ZNRF1: variants seen among roughly 807,000 people sequenced by gnomAD.
ZNRF1 encodes E3 ubiquitin-protein ligase ZNRF1.
ZNRF1 carries 3 observed loss-of-function variants against 18.4 expected under a neutral mutation model. The observed-to-expected ratio is 0.16, with a 90% CI of 0.07 to 0.42. The LOEUF (loss-of-function observed/expected upper bound fraction) is 0.42, where lower values mean the gene tolerates loss of function less well. Among genes scored for constraint, ZNRF1 ranks in the 10% least tolerant of loss-of-function variants. The pLI, the probability that ZNRF1 is intolerant of heterozygous loss-of-function variation, is 0.99. For synonymous variants in ZNRF1, 157 were observed against 144.2 expected, an observed-to-expected ratio of 1.09 and a Z score of -0.64; for missense variants, 310 against 329.8, an observed-to-expected ratio of 0.94 and a Z score of 0.47.
chr16:75,023,219 T>C (rs2035177045), intron 1 of ZNRF1, among the ~76,000 whole-genome samples: 1 of 152,178 alleles, frequency 6.6e-6, no homozygotes, highest in Non-Finnish European at 1.5e-5. Flanking sequence ...ATCTTTTCTC[T>C]CCACCCCCTT....
At chr16:75,078,108 A>G (rs1211700904) in intron 1 of ZNRF1, among the ~76,000 whole-genome samples, 1 of 152,124 alleles carries the variant, frequency 6.6e-6, no homozygotes, top group African/African-American at 2.4e-5. Flanking sequence ...CTAGGGTGGT[A>G]ACATGATTTC....
chr16:75,014,021 G>A (rs968643395), intron 1 of ZNRF1, among the ~76,000 whole-genome samples: 41 of 151,894 alleles, frequency 2.7e-4, no homozygotes, highest in African/African-American at 8.5e-4. Context: ...AGTAGAGGCC[G>A]TGTTTCACCG....
chr16:75,057,233 T>C (rs545273827), intron 1 of ZNRF1, among the ~76,000 whole-genome samples: 2 of 152,322 alleles, frequency 1.3e-5, no homozygotes, highest in South Asian at 4.1e-4. Flanking sequence ...ACGTGCTTGT[T>C]TGTTGCTTAT....
At chr16:75,040,121 C>T (rs1299875402) in intron 1 of ZNRF1, among the ~76,000 whole-genome samples, 5 of 144,424 alleles carry the variant, frequency 3.5e-5, no homozygotes, top group African/African-American at 7.8e-5. Context: ...CATAGCTCAC[C>T]GCAGCCTTGA....
At chr16:75,007,167 C>A (rs1399374289) in intron 1 of ZNRF1, among the ~76,000 whole-genome samples, 1 of 151,968 alleles carries the variant, frequency 6.6e-6, no homozygotes, top group Non-Finnish European at 1.5e-5. Flanking sequence ...AAGCGATCCT[C>A]CTTCCTCAGC....
rs2036373418 is a variant in ZNRF1, at chr16:75,110,808, C to T, written c.*3108C>T. 6.6e-6 allele frequency: 1 copy of T among 151,972 alleles called. No homozygotes were observed. The highest frequency in any genetic ancestry group is 2.4e-5 in the African/African-American group (1 of 41,256). 9.4% of individuals were successfully genotyped at this position (151,972 alleles called of 1,614,324 possible). On this transcript the variant is annotated 3_prime_UTR_variant, in exon 5 of 5. Coordinates refer to ENST00000335325, the MANE Select transcript of ZNRF1 (RefSeq NM_032268.5). ...AGCGCAGCTGCTGCAGGATTCTCGC[C>T]TGGAAGAGTGGGTGGCTGGCTGGCT...
At chr16:75,092,778 G>T (rs1041832196) in intron 1 of ZNRF1, among the ~76,000 whole-genome samples, 1 of 152,216 alleles carries the variant, frequency 6.6e-6, no homozygotes, top group Non-Finnish European at 1.5e-5. Flanking sequence ...CTGTGGGTGA[G>T]GGAGAGAGTT....
At position 75,017,755 on chromosome 16, in the gene ZNRF1, G is replaced by C. The variant is rs367685741; in HGVS notation, c.424+17660G>C. 5.3e-5 allele frequency among the ~76,000 whole-genome samples: 8 copies of C among 152,300 alleles called. No individual in the cohort carries two copies. The East Asian group carries it at 1.5e-3, about 29-fold the overall frequency. ...GCTTGGATCCAATCTGTTGAAAGAAGGGCTTCTTAGACAGTTGTAGGGTAG... is the reference window on the plus strand; with the variant it reads ...GCTTGGATCCAATCTGTTGAAAGAACGGCTTCTTAGACAGTTGTAGGGTAG... On this transcript the variant is annotated intron_variant, in intron 1 of 4. Coordinates refer to ENST00000335325, the MANE Select transcript of ZNRF1 (RefSeq NM_032268.5).
chr16:75,067,002 T>C (rs571854261), intron 1 of ZNRF1, among the ~76,000 whole-genome samples: 1 of 152,298 alleles, frequency 6.6e-6, no homozygotes, highest in East Asian at 1.9e-4. Flanking sequence ...AAGCCTCTCT[T>C]GAGGTTGCAG....
intron 1 of ZNRF1, among the ~76,000 whole-genome samples, chr16:75,045,844 T>TA (rs2035508414): frequency 6.6e-6 from 1 of 150,812 alleles, no homozygotes; most frequent in Non-Finnish European, 1.5e-5. Flanking sequence ...GCCTCCCAAA[T>TA]AGCTGGCACT....
In ZNRF1 at chr16:75,092,542, A is replaced by T. The variant is rs546259102; in HGVS notation, c.425-1030A>T. On this transcript the variant is annotated intron_variant, in intron 1 of 4. Coordinates refer to ENST00000335325, the MANE Select transcript of ZNRF1 (RefSeq NM_032268.5). ...AAAAGAATTGATCCATTTGAAAATC[A>T]TTTCAATGAAAGTAGATTGGAAAAA... 2.6e-5 allele frequency among the ~76,000 whole-genome samples: 4 copies of T among 152,402 alleles called. No homozygotes were observed. In the South Asian group the frequency reaches 8.3e-4, roughly 32 times the overall value.
chr16:75,041,034 C>T (rs1364955876), intron 1 of ZNRF1, among the ~76,000 whole-genome samples: 5 of 152,152 alleles, frequency 3.3e-5, no homozygotes, highest in African/African-American at 1.2e-4. Flanking sequence ...ATCCATTCAC[C>T]AGCTGATAGA....
intron 1 of ZNRF1, among the ~76,000 whole-genome samples, chr16:75,043,209 C>G (rs576304072): frequency 6.6e-6 from 1 of 152,324 alleles, no homozygotes; most frequent in African/African-American, 2.4e-5. Flanking sequence ...GTCTGGTTCC[C>G]TCAGCCCTGA....
chr16:75,032,200 C>G (rs1375113751), intron 1 of ZNRF1, among the ~76,000 whole-genome samples: 2 of 149,604 alleles, frequency 1.3e-5, no homozygotes, highest in Non-Finnish European at 3.0e-5. Flanking sequence ...CCCTCCGTCT[C>G]CTGGGTTCAA....
chr16:75,028,856 C>T (rs1427389839), intron 1 of ZNRF1, among the ~76,000 whole-genome samples: 1 of 152,228 alleles, frequency 6.6e-6, no homozygotes, highest in Non-Finnish European at 1.5e-5. Flanking sequence ...TTCACTGCTT[C>T]TAGAATACGA....
In ZNRF1 at chr16:75,051,048, A is replaced by C. The variant is rs911350884; in HGVS notation, c.425-42524A>C. On this transcript the variant is annotated intron_variant, in intron 1 of 4. Coordinates refer to ENST00000335325, the MANE Select transcript of ZNRF1 (RefSeq NM_032268.5). ...TCGCTACAAAAAGAAAAAAAAAAAA[A>C]ACAAAACCTGGGTGTCGTGGCACAT... 2.6e-4 allele frequency among the ~76,000 whole-genome samples: 5 copies of C among 18,872 alleles called. No individual in the cohort carries two copies. The East Asian group carries it at 0.012, about 44-fold the overall frequency. 12.4% of individuals were successfully genotyped at this position (18,872 alleles called of 152,430 possible).
chr16:75,074,343 C>T (rs1354657368), intron 1 of ZNRF1, among the ~76,000 whole-genome samples: 1 of 152,174 alleles, frequency 6.6e-6, no homozygotes, highest in Non-Finnish European at 1.5e-5. Context: ...TAGCACAGAG[C>T]CTACTGGGTG....
chr16:75,050,829 C>T lies in ZNRF1; in HGVS notation c.425-42743C>T, dbSNP rs375250327. Among the ~76,000 whole-genome samples the T allele has an allele frequency of 8.5e-5, 11 of 130,148 alleles. No individual in the cohort carries two copies. In the East Asian group the frequency reaches 2.7e-3, roughly 32 times the overall value. 85.4% of individuals were successfully genotyped at this position (130,148 alleles called of 152,430 possible). ...GAGCTTGCAGTGAGCCAAGATTGCG[C>T]CACTGCACTCCAGCCTGGGCGACAG... is the stretch of plus-strand genomic sequence containing the variant. On this transcript the variant is annotated intron_variant, in intron 1 of 4. Coordinates refer to ENST00000335325, the MANE Select transcript of ZNRF1 (RefSeq NM_032268.5).
At chr16:75,041,281 C>A (rs956185759) in intron 1 of ZNRF1, among the ~76,000 whole-genome samples, 4 of 152,120 alleles carry the variant, frequency 2.6e-5, no homozygotes, top group African/African-American at 9.7e-5. Flanking sequence ...GGATTATAGT[C>A]ATTCTAGTAG....
Sources: gnomAD v4.1 joint callset for allele counts (sites outside exome capture counted in the v4.1 genomes callset) on GRCh38, gnomAD v4.1.1 for gene constraint, MANE v1.5 for transcripts, NCBI Gene and HGNC (gene_info 2026-07-23, HGNC 2026-07-21) for gene names.